The following GRIK2 variants were observed in gnomAD, a reference collection of about 807,000 sequenced individuals.
GRIK2 encodes the protein glutamate receptor ionotropic, kainate 2.
GRIK2 carries 32 observed loss-of-function variants against 100.3 expected under a neutral mutation model. The observed-to-expected ratio is 0.32, with a 90% CI of 0.24 to 0.43. The LOEUF is 0.43. Ranked by LOEUF, GRIK2 falls within the 20% of genes least tolerant of loss-of-function variation. The pLI, the probability that GRIK2 is intolerant of heterozygous loss-of-function variation, is 1.00. For missense variants in GRIK2, 843 were observed against 1,114.9 expected (o/e 0.76, Z 3.47); for synonymous variants, 417 against 389.4 (o/e 1.07, Z -0.83).
intron 14 of GRIK2, among the ~76,000 whole-genome samples, chr6:101,972,499 T>C (rs971397122): frequency 1.3e-5 from 2 of 151,980 alleles, no homozygotes; most frequent in Admixed American, 6.6e-5. Context: ...TTCTGGATTT[T>C]AGACCTTTGT....
At position 101,774,723 on chromosome 6, in the gene GRIK2, A is replaced by G. The variant is rs535637746; in HGVS notation, c.952-24925A>G. Among the ~76,000 whole-genome samples the G allele has an allele frequency of 2.6e-5, 4 of 152,302 alleles. No homozygotes were observed. In the South Asian group the frequency reaches 8.3e-4, roughly 32 times the overall value. ...TTAATCATTTATATTTAAAAAGTGA[A>G]GAGTTTCTGTACATGATGTTTGAAA... On this transcript the variant is annotated intron_variant, in intron 7 of 16. Transcript: ENST00000369134.
intron 11 of GRIK2, among the ~76,000 whole-genome samples, chr6:101,863,871 C>T (rs955965494): frequency 1.3e-5 from 2 of 152,138 alleles, no homozygotes; most frequent in Non-Finnish European, 2.9e-5. Flanking sequence ...GGCGCGGTGG[C>T]TCACGCCTGT....
At chr6:101,401,518 T>C (rs957195106) in intron 2 of GRIK2, among the ~76,000 whole-genome samples, 2 of 152,130 alleles carry the variant, frequency 1.3e-5, no homozygotes, top group African/African-American at 4.8e-5. Flanking sequence ...AAACCAACAG[T>C]CCAGCTTCTA....
intron 2 of GRIK2, among the ~76,000 whole-genome samples, chr6:101,605,818 C>T (rs1779415616): frequency 6.6e-6 from 1 of 151,904 alleles, no homozygotes; most frequent in African/African-American, 2.4e-5. Context: ...TTTTTTCTAA[C>T]CTTGAATAAA....
At chr6:101,579,867 AAG>A (rs1304035398) in intron 2 of GRIK2, among the ~76,000 whole-genome samples, 7 of 151,550 alleles carry the variant, frequency 4.6e-5, no homozygotes, top group Non-Finnish European at 1.0e-4. Context: ...AAAAAAAAAA[AAG>A]AAATGCATTT....
At chr6:101,700,224 TTAATAA>T (rs775159987) in intron 7 of GRIK2, among the ~76,000 whole-genome samples, 82 of 151,532 alleles carry the variant, frequency 5.4e-4, no homozygotes, top group African/African-American at 1.8e-3. Context: ...TAGAACTAAA[TTAATAA>T]TAATAATAAT....
Position 101,602,178 on chromosome 6 carries a change from A to G in GRIK2, c.116-19771A>G, listed in dbSNP as rs1014652018. Among the ~76,000 whole-genome samples, 4 of 151,744 alleles carry G rather than the reference A, an allele frequency of 2.6e-5. No individual in the cohort carries two copies. In the East Asian group the frequency reaches 5.8e-4, roughly 22 times the overall value. The stretch of plus-strand genomic sequence containing the variant: ...GTTCTCTCCCTTAATTTTATTGTTT[A>G]TGCAGAAGTCATTTGGGAGCAAGTT... On this transcript the variant is annotated intron_variant, in intron 2 of 16. Coordinates refer to ENST00000369134, the MANE Select transcript of GRIK2 (RefSeq NM_021956.5).
At chr6:101,592,184 T>A (rs760981013) in intron 2 of GRIK2, among the ~76,000 whole-genome samples, 3 of 151,974 alleles carry the variant, frequency 2.0e-5, no homozygotes, top group Non-Finnish European at 4.4e-5. Context: ...AAATTAAACT[T>A]TTTCTTTATA....
chr6:101,570,163 C>T (rs1486806103), intron 2 of GRIK2, among the ~76,000 whole-genome samples: 1 of 152,030 alleles, frequency 6.6e-6, no homozygotes, highest in Non-Finnish European at 1.5e-5. Flanking sequence ...TCTCAGTCCT[C>T]CCACTTCCAT....
At chr6:101,913,593 G>A (rs67958744) in intron 12 of GRIK2, among the ~76,000 whole-genome samples, 1 of 151,456 alleles carries the variant, frequency 6.6e-6, no homozygotes, top group Non-Finnish European at 1.5e-5. Context: ...ATAATGAAGT[G>A]AGCATTTTAG....
At position 102,053,075 on chromosome 6, in the gene GRIK2, A is replaced by AAAC. The variant is rs1056818360; in HGVS notation, c.2312-2238_2312-2236dup. On this transcript the variant is annotated intron_variant, in intron 15 of 16. Transcript: ENST00000369134. ...AGAGCGAGACTCTGTCTACAAAGAC[A>AAAC]AACAACAACAACAACAACACACACA... Among the ~76,000 whole-genome samples, 40 of 147,016 alleles carry AAAC rather than the reference A, an allele frequency of 2.7e-4. No homozygotes were observed. In the South Asian group the frequency reaches 4.9e-3, roughly 18 times the overall value.
At chr6:101,710,876 T>A (rs1157711719) in intron 7 of GRIK2, among the ~76,000 whole-genome samples, 2 of 151,880 alleles carry the variant, frequency 1.3e-5, no homozygotes, top group African/African-American at 4.8e-5. Context: ...ATATCTGGTT[T>A]ATAAGCCTTA....
Position 101,889,643 on chromosome 6 carries a change from GC to G in GRIK2, c.1529del (p.Ala510ValfsTer25). The G allele has an allele frequency of 7.5e-7, 1 of 1,330,566 alleles. No individual in the cohort carries two copies. Among genetic ancestry groups the G allele is most frequent in the Non-Finnish European group, 1.0e-6 (1 of 952,690 alleles). 82.4% of individuals were successfully genotyped at this position (1,330,566 alleles called of 1,614,324 possible). ...TTTTGTTTGTTTCTGTCTACAGAAA[GC>G]TGACCTTGCAGTTGCTCCACTGGCT... ...GMVRELIDHK[A>X]DLAVAPLAIT... On this transcript the variant is annotated frameshift_variant, in exon 12 of 17. Transcript: ENST00000369134. LOFTEE classifies it high-confidence loss of function.
chr6:101,551,281 A>T (rs1776496979), intron 2 of GRIK2, among the ~76,000 whole-genome samples: 1 of 152,058 alleles, frequency 6.6e-6, no homozygotes, highest in African/African-American at 2.4e-5. Flanking sequence ...TGCAAACAGA[A>T]ATTTTAGGTG....
At chr6:101,812,751 C>T (rs1555775) in intron 9 of GRIK2, among the ~76,000 whole-genome samples, 16,573 of 151,868 alleles carry the variant, frequency 0.11, 1,915 homozygotes, top group East Asian at 0.65. Context: ...GCGTAATAAA[C>T]GATCATCCAT....
intron 11 of GRIK2, among the ~76,000 whole-genome samples, chr6:101,861,692 A>C (rs904547219): frequency 6.6e-6 from 1 of 152,180 alleles, no homozygotes; most frequent in Non-Finnish European, 1.5e-5. Flanking sequence ...AATAGTCATT[A>C]TAGATAAAAT....
intron 14 of GRIK2, among the ~76,000 whole-genome samples, chr6:102,033,177 G>A (rs1770086795): frequency 1.3e-5 from 2 of 150,978 alleles, no homozygotes; most frequent in South Asian, 4.2e-4. Flanking sequence ...ATAGCATCTA[G>A]CACATGCTAA....
chr6:101,904,491 A>T lies in GRIK2; in HGVS notation c.1748+14628A>T, dbSNP rs138141445. On this transcript the variant is annotated intron_variant, in intron 12 of 16. Coordinates refer to ENST00000369134, the MANE Select transcript of GRIK2 (RefSeq NM_021956.5). ...TAAAATTAAAGTCATTTAATTTTTT[A>T]AAAAAATGGCTGGTCTTAGGACAAC... 3.2e-3 allele frequency among the ~76,000 whole-genome samples: 479 copies of T among 151,616 alleles called. 3 individuals carry two copies. Among genetic ancestry groups the T allele is most frequent in the African/African-American group, 9.7e-3 (404 of 41,504 alleles).
At chr6:101,985,312 A>AACT (rs1408819407) in intron 14 of GRIK2, among the ~76,000 whole-genome samples, 1 of 151,760 alleles carries the variant, frequency 6.6e-6, no homozygotes, top group Non-Finnish European at 1.5e-5. Context: ...TATTCTTTCT[A>AACT]ACTAGAACAT....
Sources: allele counts gnomAD v4.1 joint callset (sites outside exome capture counted in the v4.1 genomes callset), GRCh38; gene constraint gnomAD v4.1.1; transcripts MANE v1.5; gene names NCBI Gene and HGNC (gene_info 2026-07-23, HGNC 2026-07-21).